The following CCDC148 variants were observed in gnomAD, a reference collection of about 807,000 sequenced individuals.
CCDC148 encodes coiled-coil domain-containing protein 148.
CCDC148 carries 89 observed loss-of-function variants against 85.7 expected under a neutral mutation model. That is an observed-to-expected ratio of 1.04 (90% confidence interval 0.87 to 1.24). The LOEUF is 1.24. CCDC148 is among the 50% of genes most tolerant of loss of function. The pLI is 0.00. For synonymous variants in CCDC148, 230 were observed against 213.9 expected, an observed-to-expected ratio of 1.08 and a Z score of -0.66; for missense variants, 692 against 671.7, an observed-to-expected ratio of 1.03 and a Z score of -0.33.
intron 1 of CCDC148, among the ~76,000 whole-genome samples, chr2:158,414,853 T>A (rs1056097086): frequency 6.6e-6 from 1 of 152,146 alleles, no homozygotes; most frequent in Admixed American, 6.5e-5. Context: ...GCATTTCTCC[T>A]AAGGAAAAAT....
intron 11 of CCDC148, among the ~76,000 whole-genome samples, chr2:158,208,498 G>A (rs1236980299): frequency 6.6e-6 from 1 of 152,152 alleles, no homozygotes; most frequent in Admixed American, 6.5e-5. Context: ...GAAGCCAGTG[G>A]TGCAGAGAAG....
intron 9 of CCDC148, among the ~76,000 whole-genome samples, chr2:158,266,440 T>G (rs763460750): frequency 3.3e-5 from 5 of 152,200 alleles, no homozygotes; most frequent in African/African-American, 1.2e-4. Flanking sequence ...AAAATGTTCA[T>G]GTTGAAAATA....
At chr2:158,248,837 TG>T (rs986099255) in intron 10 of CCDC148, among the ~76,000 whole-genome samples, 6 of 152,130 alleles carry the variant, frequency 3.9e-5, no homozygotes, top group African/African-American at 1.4e-4. Context: ...TAAGTGTCCT[TG>T]TTTTAAGCTG....
At chr2:158,438,043 T>C (rs986548124) in intron 1 of CCDC148, among the ~76,000 whole-genome samples, 1 of 152,078 alleles carries the variant, frequency 6.6e-6, no homozygotes, top group Admixed American at 6.5e-5. Context: ...AAAATGGCCA[T>C]ATTGCCCAAG....
At chr2:158,426,158 A>T (rs1052697385) in intron 1 of CCDC148, among the ~76,000 whole-genome samples, 2 of 129,640 alleles carry the variant, frequency 1.5e-5, no homozygotes, top group African/African-American at 2.5e-5. Flanking sequence ...TAATTATAAC[A>T]CAAGGAATTT....
At chr2:158,310,511 GC>G (rs1162751202) in intron 8 of CCDC148, among the ~76,000 whole-genome samples, 1 of 151,446 alleles carries the variant, frequency 6.6e-6, no homozygotes, top group East Asian at 2.0e-4. Flanking sequence ...GGGCAGAGGG[GC>G]CCCCCACCCC....
intron 1 of CCDC148, among the ~76,000 whole-genome samples, chr2:158,426,321 G>A: frequency 6.6e-6 from 1 of 152,038 alleles, no homozygotes; most frequent in Non-Finnish European, 1.5e-5. Context: ...TGGGCATTCT[G>A]AGGAAGCTGT....
At chr2:158,382,255 G>C (rs546170015) in intron 1 of CCDC148, among the ~76,000 whole-genome samples, 83 of 152,252 alleles carry the variant, frequency 5.5e-4, no homozygotes, top group Non-Finnish European at 1.0e-3. Flanking sequence ...ACAGTATTTT[G>C]TTATAGTAGC....
chr2:158,430,130 G>A (rs1011465874), intron 1 of CCDC148, among the ~76,000 whole-genome samples: 1 of 152,206 alleles, frequency 6.6e-6, no homozygotes, highest in Non-Finnish European at 1.5e-5. Context: ...AAGGCGAGCA[G>A]TTATTCGAGT....
intron 9 of CCDC148, among the ~76,000 whole-genome samples, chr2:158,267,460 T>A (rs1284212516): frequency 6.6e-6 from 1 of 152,180 alleles, no homozygotes; most frequent in Non-Finnish European, 1.5e-5. Context: ...GAATTGAAAA[T>A]TTTATTTTAC....
At chr2:158,217,384 A>G (rs1321903768) in intron 11 of CCDC148, among the ~76,000 whole-genome samples, 1 of 91,390 alleles carries the variant, frequency 1.1e-5, no homozygotes, top group Non-Finnish European at 2.4e-5. Flanking sequence ...GTATATATAT[A>G]TATATATATA....
intron 8 of CCDC148, among the ~76,000 whole-genome samples, chr2:158,311,125 G>A (rs375715040): frequency 2.4e-4 from 36 of 152,320 alleles, no homozygotes; most frequent in African/African-American, 8.4e-4. Context: ...GCAGGCGGCT[G>A]GGAGGTGGAG....
intron 1 of CCDC148, among the ~76,000 whole-genome samples, chr2:158,428,029 C>G (rs1463491948): frequency 6.6e-6 from 1 of 152,024 alleles, no homozygotes; most frequent in Non-Finnish European, 1.5e-5. Flanking sequence ...GAGTCTTTAT[C>G]CTAAAATCAA....
intron 7 of CCDC148, among the ~76,000 whole-genome samples, chr2:158,328,031 T>A (rs1284411932): frequency 1.3e-5 from 2 of 151,968 alleles, no homozygotes; most frequent in Non-Finnish European, 2.9e-5. Flanking sequence ...TTCTTTTTTT[T>A]TTATTTAAGT....
At chr2:158,217,374 GTATATA>G (rs762560897) in intron 11 of CCDC148, among the ~76,000 whole-genome samples, 5 of 98,526 alleles carry the variant, frequency 5.1e-5, no homozygotes, top group African/African-American at 1.7e-4. Context: ...GTGTGTGTGT[GTATATA>G]TATATATATA....
chr2:158,196,928 C>T (rs1685705121), intron 11 of CCDC148, among the ~76,000 whole-genome samples: 3 of 152,110 alleles, frequency 2.0e-5, no homozygotes, highest in Admixed American at 1.3e-4. Context: ...ACCTTAGTAT[C>T]TACTAAAACA....
intron 9 of CCDC148, among the ~76,000 whole-genome samples, chr2:158,274,581 A>G (rs1403066255): frequency 1.3e-5 from 2 of 152,118 alleles, no homozygotes; most frequent in East Asian, 3.8e-4. Flanking sequence ...TTTTATTTTC[A>G]AGCTGTGTAA....
chr2:158,340,507 C>T, intron 4 of CCDC148, 91 bp downstream of exon 4: 1 of 1,402,840 alleles, frequency 7.1e-7, no homozygotes, highest in Non-Finnish European at 9.8e-7. Context: ...AAACAAATGG[C>T]AGTTAATATT....
chr2:158,344,349 A>G (rs893418736), intron 3 of CCDC148, among the ~76,000 whole-genome samples: 1 of 152,134 alleles, frequency 6.6e-6, no homozygotes, highest in Non-Finnish European at 1.5e-5. Flanking sequence ...TAAGCCTTCT[A>G]CTTCACATAA....
Sources: gnomAD v4.1 joint callset for allele counts (sites outside exome capture counted in the v4.1 genomes callset) on GRCh38, gnomAD v4.1.1 for gene constraint, MANE v1.5 for transcripts, NCBI Gene and HGNC (gene_info 2026-07-23, HGNC 2026-07-21) for gene names.